Variants in CDH2 observed in about 807,000 individuals in gnomAD.
CDH2 encodes cadherin-2.
A neutral mutation model predicts 92.0 loss-of-function variants in CDH2; 17 were observed. The ratio of observed to expected loss-of-function variants is 0.18; its 90% CI spans 0.13 to 0.28. CDH2 has a LOEUF of 0.28. Among genes scored for constraint, CDH2 ranks in the 10% least tolerant of loss-of-function variants. The pLI is 1.00. For missense variants in CDH2, 862 were observed against 1,133.1 expected (o/e 0.76, Z 3.44); for synonymous variants, 419 against 415.9 (o/e 1.01, Z -0.09).
chr18:28,027,700 C>T (rs1416879380), intron 2 of CDH2, among the ~76,000 whole-genome samples: 1 of 152,070 alleles, frequency 6.6e-6, no homozygotes, highest in Non-Finnish European at 1.5e-5. Flanking sequence ...TCTAATAACT[C>T]AAAAGTTTTT....
intron 2 of CDH2, among the ~76,000 whole-genome samples, chr18:28,131,059 C>G (rs1222370234): frequency 6.6e-6 from 1 of 152,130 alleles, no homozygotes; most frequent in African/African-American, 2.4e-5. Context: ...TTCCAAAAAT[C>G]CAAGAGAGCA....
intron 2 of CDH2, among the ~76,000 whole-genome samples, chr18:28,073,983 C>T (rs524047): frequency 0.91 from 137,831 of 152,214 alleles, 62,783 homozygotes; most frequent in African/African-American, 0.96. Context: ...ATCATTAGCA[C>T]GTCAGAGGTG....
chr18:28,150,916 C>T (rs986376396), intron 1 of CDH2, among the ~76,000 whole-genome samples: 1 of 152,224 alleles, frequency 6.6e-6, no homozygotes, highest in African/African-American at 2.4e-5. Flanking sequence ...TATTTCCTCT[C>T]TTAACTTTCA....
chr18:28,064,630 G>A (rs1261309266), intron 2 of CDH2, among the ~76,000 whole-genome samples: 1 of 151,688 alleles, frequency 6.6e-6, no homozygotes, highest in African/African-American at 2.4e-5. Flanking sequence ...CAGTTCTGAG[G>A]TGGTTTAAAG....
At chr18:27,976,431 C>G (rs949463625) in intron 14 of CDH2, among the ~76,000 whole-genome samples, 1 of 152,130 alleles carries the variant, frequency 6.6e-6, no homozygotes, top group Non-Finnish European at 1.5e-5. Flanking sequence ...GCTGGATGTT[C>G]CAGTTCTGCT....
intron 1 of CDH2, among the ~76,000 whole-genome samples, chr18:28,175,626 C>A (rs532605965): frequency 4.6e-4 from 70 of 152,250 alleles, no homozygotes; most frequent in African/African-American, 1.6e-3. Flanking sequence ...GCAGCACTCA[C>A]CCCCCGGCGG....
intron 6 of CDH2, among the ~76,000 whole-genome samples, chr18:27,934,465 A>C (rs990475490): frequency 6.6e-6 from 1 of 152,036 alleles, no homozygotes; most frequent in Non-Finnish European, 1.5e-5. Context: ...ATACTGCAGG[A>C]TTTTCTTTCA....
chr18:28,105,328 T>C (rs1327207479), intron 2 of CDH2, among the ~76,000 whole-genome samples: 12 of 152,160 alleles, frequency 7.9e-5, no homozygotes, highest in Non-Finnish European at 1.8e-4. Flanking sequence ...AATTTTAAAG[T>C]TACTATTTAA....
At chr18:28,130,732 T>C (rs1049600551) in intron 2 of CDH2, among the ~76,000 whole-genome samples, 12 of 152,142 alleles carry the variant, frequency 7.9e-5, no homozygotes, top group African/African-American at 2.4e-4. Context: ...GTTACCTCCT[T>C]AGGGGCACAG....
chr18:27,954,077 CAT>C (rs1443943670), intron 15 of CDH2, among the ~76,000 whole-genome samples: 1 of 152,104 alleles, frequency 6.6e-6, no homozygotes, highest in Non-Finnish European at 1.5e-5. Flanking sequence ...TACTTTTCGT[CAT>C]GTCATTTTAT....
chr18:28,077,909 A>G lies in CDH2; in HGVS notation c.173-64000T>C, dbSNP rs1024031219. Among the ~76,000 whole-genome samples, 16 of 144,010 alleles carry G rather than the reference A, an allele frequency of 1.1e-4. 1 individual carries two copies. The highest frequency in any genetic ancestry group is 1.1e-3 in the Admixed American group (16 of 14,786). 94.5% of individuals were successfully genotyped at this position (144,010 alleles called of 152,430 possible). A position where few individuals can be genotyped will look rare whatever the true frequency, so the allele number is the denominator to read the frequency against. On this transcript the variant is annotated intron_variant, in intron 2 of 15. Transcript: ENST00000269141. Reference sequence around the variant, plus strand: ...CTGTCTCAAAAAAAAAAAAAAAAAAAAAAAAAAAGGAAAGAAAAGGAAAAG... The same window carrying G: ...CTGTCTCAAAAAAAAAAAAAAAAAAGAAAAAAAAGGAAAGAAAAGGAAAAG...
intron 2 of CDH2, among the ~76,000 whole-genome samples, chr18:28,028,289 T>C (rs2013610368): frequency 1.3e-5 from 2 of 152,024 alleles, no homozygotes; most frequent in African/African-American, 4.8e-5. Flanking sequence ...AAGATACAGG[T>C]AGCCCAAAGA....
At chr18:28,099,876 C>T (rs928416704) in intron 2 of CDH2, among the ~76,000 whole-genome samples, 7 of 151,994 alleles carry the variant, frequency 4.6e-5, no homozygotes, top group Admixed American at 1.3e-4. Context: ...ATATTAAATA[C>T]GATGATCAAA....
intron 14 of CDH2, among the ~76,000 whole-genome samples, chr18:27,967,559 C>A (rs532654687): frequency 1.3e-5 from 2 of 152,288 alleles, no homozygotes; most frequent in Admixed American, 1.3e-4. Context: ...TCCGAAAATT[C>A]TCTTATGATT....
chr18:28,135,050 T>G (rs1334274031), intron 2 of CDH2, among the ~76,000 whole-genome samples: 2 of 152,158 alleles, frequency 1.3e-5, no homozygotes, highest in Non-Finnish European at 2.9e-5. Context: ...TACAGATACG[T>G]ATTCATCTCA....
chr18:27,993,560 G>A lies in CDH2; in HGVS notation c.1098C>T (p.Ala366=). 1 of 1,614,090 alleles carries A rather than the reference G, an allele frequency of 6.2e-7. No homozygotes were observed. The highest frequency in any genetic ancestry group is 8.5e-7 in the Non-Finnish European group (1 of 1,179,962). The part of the protein sequence containing the change: ...GNPTYGLSNT[A]TAVITVTDVN... Reference sequence around the variant, plus strand: ...CATCTGTCACTGTGATGACGGCCGTGGCTGTGTTTGAAAGGCCATATGTGG... The same window carrying A: ...CATCTGTCACTGTGATGACGGCCGTAGCTGTGTTTGAAAGGCCATATGTGG... The change falls in exon 8 of 16, where the codon GCC becomes GCT. Residue 366 remains alanine, a synonymous_variant. Transcript: ENST00000269141.
At chr18:28,005,293 G>A (rs1427505406) in intron 6 of CDH2, among the ~76,000 whole-genome samples, 1 of 152,100 alleles carries the variant, frequency 6.6e-6, no homozygotes, top group Non-Finnish European at 1.5e-5. Context: ...CTGGTTGAAG[G>A]GATAGAACTG....
At chr18:28,031,398 T>C (rs755469722) in intron 2 of CDH2, among the ~76,000 whole-genome samples, 2 of 152,098 alleles carry the variant, frequency 1.3e-5, no homozygotes, top group African/African-American at 2.4e-5. Flanking sequence ...AAGTCATAGA[T>C]AGAAGACTCT....
chr18:28,061,706 G>A (rs2144146998), intron 2 of CDH2, among the ~76,000 whole-genome samples: 1 of 152,272 alleles, frequency 6.6e-6, no homozygotes, highest in East Asian at 1.9e-4. Flanking sequence ...TGTCTAAAGG[G>A]AAGAGGTTTA....
Sources: gnomAD v4.1 joint callset for allele counts (sites outside exome capture counted in the v4.1 genomes callset) on GRCh38, gnomAD v4.1.1 for gene constraint, MANE v1.5 for transcripts, NCBI Gene and HGNC (gene_info 2026-07-23, HGNC 2026-07-21) for gene names.